The following DNM2 variants were observed in gnomAD, a reference collection of about 807,000 sequenced individuals.
DNM2 encodes the protein dynamin-2.
A neutral mutation model predicts 99.0 loss-of-function variants in DNM2; 15 were observed. That is an observed-to-expected ratio of 0.15 (90% CI 0.10 to 0.23). The LOEUF (loss-of-function observed/expected upper bound fraction) is 0.23. Among genes scored for constraint, DNM2 ranks in the 10% least tolerant of loss-of-function variants. DNM2 has a pLI of 1.00. For missense variants in DNM2, 742 were observed against 1,189.4 expected (o/e 0.62, Z 5.53); for synonymous variants, 525 against 481.2 (o/e 1.09, Z -1.19).
Position 10,831,036 on chromosome 19 carries a change from C to T in DNM2, c.2602C>T (p.Leu868=), listed in dbSNP as rs754910531. ...PTIIRPAEPS[L]LD ...CATTATCCGCCCAGCCGAGCCATCC[C>T]TGCTCGACTAGGCCTCGAGGGGGGC... Residue 868 remains leucine, a synonymous_variant, in exon 21 of 21, where the codon CTG becomes TTG. Coordinates refer to ENST00000389253, the MANE Select transcript of DNM2 (RefSeq NM_001005361.3). The surrounding 1 kb of genome is among the most constrained non-coding windows in gnomAD (Gnocchi z 4.3). 5.6e-6 allele frequency: 9 copies of T among 1,609,238 alleles called. No individual in the cohort carries two copies. Among genetic ancestry groups the T allele is most frequent in the Non-Finnish European group, 7.6e-6 (9 of 1,177,816 alleles).
At chr19:10,721,629 G>C (rs78828213) in intron 1 of DNM2, among the ~76,000 whole-genome samples, 4,910 of 152,102 alleles carry the variant, frequency 0.032, 85 homozygotes, top group South Asian at 0.095. Context: ...TTGCAGCCTC[G>C]AACTCCAGGG....
Position 10,795,503 on chromosome 19 carries a change from TG to T in DNM2, c.1196+67del. On this transcript the variant is annotated intron_variant, in intron 9 of 20. Transcript: ENST00000389253. This position sits in a 1 kb window ranked among gnomAD's most constrained non-coding sequence, Gnocchi z 4.2. Reference sequence around the variant, plus strand: ...TCCGTGGTGCGACCCCCCAGCTAATTGGGTCACCCACACCTCTGAGTCCCTA... The same window carrying T: ...TCCGTGGTGCGACCCCCCAGCTAATTGGTCACCCACACCTCTGAGTCCCTA... 1 of 1,582,422 alleles carries T rather than the reference TG, an allele frequency of 6.3e-7. No homozygotes were observed. Among genetic ancestry groups the T allele is most frequent in the South Asian group, 1.1e-5 (1 of 90,468 alleles).
rs1052680982 is a variant in DNM2, at chr19:10,747,482, G to A, written c.162-12256G>A. 4.6e-5 allele frequency among the ~76,000 whole-genome samples: 7 copies of A among 152,216 alleles called. No homozygotes were observed. In the South Asian group the frequency reaches 6.2e-4, roughly 13 times the overall value. On this transcript the variant is annotated intron_variant, in intron 1 of 20. Transcript: ENST00000389253. ...TGATGCCACGGCTTGAGTGCCAAGG[G>A]CGGGCCTCGAGCCGGGAGCTGCAGG...
intron 1 of DNM2, among the ~76,000 whole-genome samples, chr19:10,720,732 AAAAAG>A (rs766661790): frequency 9.2e-5 from 14 of 152,136 alleles, no homozygotes; most frequent in Admixed American, 6.5e-5. Flanking sequence ...CCGGTTTCAA[AAAAAG>A]AAAAGAAAAA....
chr19:10,779,059 C>CA (rs992965025), intron 5 of DNM2, among the ~76,000 whole-genome samples: 14 of 151,738 alleles, frequency 9.2e-5, no homozygotes, highest in Non-Finnish European at 2.1e-4. Flanking sequence ...ACTAAAAATA[C>CA]AAAAAATTAG....
At chr19:10,750,336 G>A (rs886975092) in intron 1 of DNM2, among the ~76,000 whole-genome samples, 6 of 151,890 alleles carry the variant, frequency 4.0e-5, no homozygotes, top group Non-Finnish European at 8.8e-5. Flanking sequence ...AAAATTAGCC[G>A]GGCATGGTGG....
rs2073333024 is a variant in DNM2, at chr19:10,831,022, C to T, written c.2588C>T (p.Pro863Leu). 6.2e-7 allele frequency: 1 copy of T among 1,611,418 alleles called. No individual in the cohort carries two copies. The highest frequency in any genetic ancestry group is 1.1e-5 in the South Asian group (1 of 90,420). Residue 863 changes from proline to leucine, a missense_variant, in exon 21 of 21, where the codon CCA becomes CTA. By Grantham distance (98) the Pro-to-Leu change is moderately conservative. Coordinates refer to ENST00000389253, the MANE Select transcript of DNM2 (RefSeq NM_001005361.3). The surrounding 1 kb of genome is among the most constrained non-coding windows in gnomAD (Gnocchi z 4.3). ...AAPSRPTIIRPAEPSLLD is the reference protein window; with the variant it reads ...AAPSRPTIIRLAEPSLLD ...CCCAGCCGGCCCACCATTATCCGCC[C>T]AGCCGAGCCATCCCTGCTCGACTAG... is the stretch of plus-strand genomic sequence containing the variant.
chr19:10,793,897 C>G (rs750682509), intron 8 of DNM2, 42 bp downstream of exon 8: 40 of 1,613,682 alleles, frequency 2.5e-5, no homozygotes, highest in African/African-American at 4.0e-5. Flanking sequence ...TCTGGTCAGG[C>G]ACCCTCCTGC....
chr19:10,823,979 C>T (rs936844688), intron 17 of DNM2, 80 bp downstream of exon 17: 20 of 1,362,624 alleles, frequency 1.5e-5, no homozygotes, highest in Admixed American at 3.7e-5. Context: ...CAGGACAGGT[C>T]ATTTTCAGGC....
chr19:10,767,906 AAAAC>A (rs1397030899), intron 2 of DNM2, among the ~76,000 whole-genome samples: 3 of 152,030 alleles, frequency 2.0e-5, no homozygotes, highest in South Asian at 4.1e-4. Context: ...ACTCAGTCTC[AAAAC>A]AAACAAACAA....
intron 1 of DNM2, among the ~76,000 whole-genome samples, chr19:10,736,971 A>AC (rs1224278245): frequency 6.6e-6 from 1 of 151,826 alleles, no homozygotes; most frequent in African/African-American, 2.4e-5. Context: ...ACATAACGAG[A>AC]CCCCCATCTC....
At chr19:10,800,830 G>A (rs1477802409) in intron 11 of DNM2, among the ~76,000 whole-genome samples, 3 of 152,256 alleles carry the variant, frequency 2.0e-5, no homozygotes, top group Non-Finnish European at 2.9e-5. Flanking sequence ...GGGAGGGAGA[G>A]TTTCAGCAAG....
At chr19:10,755,630 T>G (rs572453524) in intron 1 of DNM2, 4 of 149,326 alleles carry the variant, frequency 2.7e-5, no homozygotes, top group Admixed American at 6.7e-5. Flanking sequence ...CCGGCCAGGG[T>G]TTTTTTTTGT....
At position 10,759,485 on chromosome 19, in the gene DNM2, G is replaced by A; in HGVS notation, c.162-253G>A. On this transcript the variant is annotated intron_variant, in intron 1 of 20. Coordinates refer to ENST00000389253, the MANE Select transcript of DNM2 (RefSeq NM_001005361.3). ...ATGCCAGGGAATGGGCCCCCTGGGAGTACGGGGGGTGGGGCACAGCCTGCC... is the reference window on the plus strand; with the variant it reads ...ATGCCAGGGAATGGGCCCCCTGGGAATACGGGGGGTGGGGCACAGCCTGCC... 4 of 575,988 alleles carry A rather than the reference G, an allele frequency of 6.9e-6. No individual in the cohort carries two copies. In the South Asian group the frequency reaches 8.0e-5, roughly 12 times the overall value. The allele number at this position is 575,988 out of a possible 1,614,324, so 35.7% of individuals were successfully genotyped here.
chr19:10,811,650 G>T lies in DNM2; in HGVS notation c.1558-614G>T. The T allele has an allele frequency of 2.0e-6, 1 of 498,602 alleles. No homozygotes were observed. Among genetic ancestry groups the T allele is most frequent in the Admixed American group, 2.1e-5 (1 of 48,226 alleles). 30.9% of individuals were successfully genotyped at this position (498,602 alleles called of 1,614,324 possible). A position where few individuals can be genotyped will look rare whatever the true frequency, so the allele number is the denominator to read the frequency against. On this transcript the variant is annotated intron_variant, in intron 14 of 20. Coordinates refer to ENST00000389253, the MANE Select transcript of DNM2 (RefSeq NM_001005361.3). The surrounding 1 kb of genome is among the most constrained non-coding windows in gnomAD (Gnocchi z 5.4). ...AGCATGGGAGCACAGCCCCCAGGCT[G>T]CCTGCCGTTAGTTGTCAGGTGAGTC...
chr19:10,780,654 G>A (rs893586530), intron 5 of DNM2, among the ~76,000 whole-genome samples: 1 of 152,140 alleles, frequency 6.6e-6, no homozygotes, highest in South Asian at 2.1e-4. Flanking sequence ...CAGGCTAGGC[G>A]TGGTGGCTCA....
At position 10,817,315 on chromosome 19, in the gene DNM2, G is replaced by C; in HGVS notation, c.1672-2665G>C. ...TGCCTCTTCTCCCACCCAGGCCCTC[G>C]AATCTTCTATGCGAGGCTCTGCCAC... On this transcript the variant is annotated intron_variant, in intron 15 of 20. Transcript: ENST00000389253. The surrounding 1 kb of genome is among the most constrained non-coding windows in gnomAD (Gnocchi z 4.6). 1 of 421,324 alleles carries C rather than the reference G, an allele frequency of 2.4e-6. No individual in the cohort carries two copies. The highest frequency in any genetic ancestry group is 4.8e-6 in the Non-Finnish European group (1 of 207,224). The allele number at this position is 421,324 out of a possible 1,614,324, so 26.1% of individuals were successfully genotyped here. A position where few individuals can be genotyped will look rare whatever the true frequency, so the allele number is the denominator to read the frequency against.
At chr19:10,769,480 G>A (rs2070906543) in intron 2 of DNM2, 1 of 152,254 alleles carries the variant, frequency 6.6e-6, no homozygotes, top group South Asian at 2.1e-4. Context: ...CACACTTGGT[G>A]GGACAGAGGC....
In DNM2 at chr19:10,772,611, G is replaced by A. The variant is rs777834215; in HGVS notation, c.368G>A (p.Arg123Gln). 6.8e-6 allele frequency: 11 copies of A among 1,614,008 alleles called. No individual in the cohort carries two copies. The highest frequency in any genetic ancestry group is 1.6e-4 in the Middle Eastern group (1 of 6,072). The change falls in exon 3 of 21, where the codon CGA becomes CAA. Residue 123 changes from arginine (R) to glutamine (Q), a missense_variant. Arg to Gln is a conservative substitution (Grantham distance 43). Around this residue, in one of 7 missense-constraint regions of DNM2, gnomAD observed 192 missense variants for 358.9 expected, o/e 0.54. Transcript: ENST00000389253. This position sits in a 1 kb window ranked among gnomAD's most constrained non-coding sequence, Gnocchi z 4.9. ...KGISPVPINL[R>Q]VYSPHVLNLT... is the part of the protein sequence containing the mutation. ...ATCTCCCCAGTGCCCATCAACCTTC[G>A]AGTCTACTCGCCACACGGTAGGCAG...
Sources: allele counts gnomAD v4.1 joint callset (sites outside exome capture counted in the v4.1 genomes callset), GRCh38; gene constraint gnomAD v4.1.1; regional missense constraint gnomAD v4.1.1; non-coding constraint Gnocchi (gnomAD v3.1); transcripts MANE v1.5; gene names NCBI Gene and HGNC (gene_info 2026-07-23, HGNC 2026-07-21).